BAIAP2L2: variants seen among roughly 807,000 people sequenced by gnomAD.
BAIAP2L2 encodes the protein BAR/IMD domain-containing adapter protein 2-like 2.
Under a neutral mutation model 60.4 loss-of-function variants are expected in BAIAP2L2, and 65 were observed. The observed-to-expected ratio is 1.08, with a 90% CI of 0.88 to 1.32. The LOEUF is 1.32. Among genes scored for constraint, BAIAP2L2 ranks in the 40% most tolerant of loss-of-function variants. The pLI, the probability that BAIAP2L2 is intolerant of heterozygous loss-of-function variation, is 0.00. For missense variants in BAIAP2L2, 836 were observed against 741.2 expected (o/e 1.13, Z -1.48); for synonymous variants, 344 against 301.7 (o/e 1.14, Z -1.45).
At chr22:38,110,759 T>C (rs942407808), upstream of BAIAP2L2, 4 of 533,394 alleles carry the variant, frequency 7.5e-6, no homozygotes, top group African/African-American at 7.9e-5. Flanking sequence ...GAAGGCATCC[T>C]GTGCCGGGCA....
intron 7 of BAIAP2L2, among the ~76,000 whole-genome samples, chr22:38,093,394 C>T (rs531108309): frequency 7.9e-5 from 12 of 152,274 alleles, no homozygotes; most frequent in South Asian, 2.1e-4. Flanking sequence ...CAATGCACAA[C>T]GGACTAACAC....
At position 38,089,215 on chromosome 22, in the gene BAIAP2L2, C is replaced by T. The variant is rs778259410; in HGVS notation, c.782G>A (p.Gly261Glu). The T allele has an allele frequency of 6.8e-6, 7 of 1,035,474 alleles. No homozygotes were observed. The highest frequency in any genetic ancestry group is 3.5e-6 in the Non-Finnish European group (3 of 865,018). 64.1% of individuals were successfully genotyped at this position (1,035,474 alleles called of 1,614,324 possible). A position where few individuals can be genotyped will look rare whatever the true frequency, so the allele number is the denominator to read the frequency against. The change falls in exon 9 of 14, where the codon GGA (glycine) becomes GAA (glutamate). Residue 261 changes from glycine to glutamate, a missense_variant. Physicochemically the swap from Gly to Glu is moderately conservative, Grantham distance 98. Coordinates refer to ENST00000381669, the MANE Select transcript of BAIAP2L2 (RefSeq NM_025045.6). ...TCLDMPPRPL[G>E]EFSSPRSRHG... Reference sequence around the variant, plus strand: ...CCGGCTGCGGGGGGAGCTGAACTCTCCCAGGGGCCTCGGGGGCTGCGGGGG... The same window carrying T: ...CCGGCTGCGGGGGGAGCTGAACTCTTCCAGGGGCCTCGGGGGCTGCGGGGG...
intron 7 of BAIAP2L2, among the ~76,000 whole-genome samples, chr22:38,093,028 T>C (rs907908242): frequency 1.3e-5 from 2 of 152,072 alleles, no homozygotes; most frequent in African/African-American, 4.8e-5. Context: ...TTAACGGGCA[T>C]GGTGGTGCAT....
chr22:38,086,496 C>A, intron 11 of BAIAP2L2, 47 bp from the exon 12 acceptor site: 1 of 1,399,316 alleles, frequency 7.1e-7, no homozygotes, highest in Non-Finnish European at 9.5e-7. Flanking sequence ...GGGGCCTGTC[C>A]AATCCCTTGT....
At chr22:38,086,090 C>T in intron 12 of BAIAP2L2, 152 bp downstream of exon 12, 1 of 916,808 alleles carries the variant, frequency 1.1e-6, no homozygotes, top group South Asian at 1.6e-5. Context: ...CAGACTCAGC[C>T]CCACACCACC....
In BAIAP2L2 at chr22:38,110,124, A is replaced by G. The variant is rs796793925; in HGVS notation, c.51+351T>C. Among the ~76,000 whole-genome samples the G allele has an allele frequency of 3.3e-3, 154 of 46,104 alleles. 1 individual carries two copies. Among genetic ancestry groups the G allele is most frequent in the East Asian group, 8.4e-3 (19 of 2,266 alleles). 30.2% of individuals were successfully genotyped at this position (46,104 alleles called of 152,430 possible). On this transcript the variant is annotated intron_variant, in intron 1 of 13. Coordinates refer to ENST00000381669, the MANE Select transcript of BAIAP2L2 (RefSeq NM_025045.6). ...CAGAGAGAGGGAGAGAGAGAGGGAG[A>G]GAGAGAGAGAGAGAGAGAGAGAGAG...
At chr22:38,092,278 C>G (rs2145971330) in intron 7 of BAIAP2L2, among the ~76,000 whole-genome samples, 1 of 152,268 alleles carries the variant, frequency 6.6e-6, no homozygotes, top group East Asian at 1.9e-4. Flanking sequence ...CTAAGGCTGC[C>G]TTCTTTTTTT....
chr22:38,088,102 C>T (rs1034806614), intron 10 of BAIAP2L2, among the ~76,000 whole-genome samples: 2 of 152,228 alleles, frequency 1.3e-5, no homozygotes, highest in African/African-American at 4.8e-5. Flanking sequence ...GAGTGGGCAC[C>T]GTACACTACC....
chr22:38,085,214 T>C lies in BAIAP2L2; in HGVS notation c.*86A>G. 7.0e-7 allele frequency: 1 copy of C among 1,433,666 alleles called. No individual in the cohort carries two copies. Among genetic ancestry groups the C allele is most frequent in the East Asian group, 2.4e-5 (1 of 42,364 alleles). The allele number at this position is 1,433,666 out of a possible 1,614,324, so 88.8% of individuals were successfully genotyped here. A position where few individuals can be genotyped will look rare whatever the true frequency, so the allele number is the denominator to read the frequency against. Reference sequence around the variant, plus strand: ...GTCTCAGGGACCCGCTTCTTGGATCTGCTGCTGTTGCTGCTGTCGCTGCCA... The same window carrying C: ...GTCTCAGGGACCCGCTTCTTGGATCCGCTGCTGTTGCTGCTGTCGCTGCCA... On this transcript the variant is annotated 3_prime_UTR_variant, in exon 14 of 14. Coordinates refer to ENST00000381669, the MANE Select transcript of BAIAP2L2 (RefSeq NM_025045.6).
chr22:38,086,858 T>C (rs2086091528), intron 11 of BAIAP2L2, among the ~76,000 whole-genome samples: 1 of 151,100 alleles, frequency 6.6e-6, no homozygotes, highest in Non-Finnish European at 1.5e-5. Context: ...TAGCCAGGTG[T>C]GGTGGTGTGT....
At chr22:38,106,347 C>T (rs893943138) in intron 4 of BAIAP2L2, among the ~76,000 whole-genome samples, 17 of 151,708 alleles carry the variant, frequency 1.1e-4, no homozygotes, top group Admixed American at 9.2e-4. Context: ...GGTGAAACCC[C>T]GTCTCTGCAA....
chr22:38,088,721 C>A, intron 10 of BAIAP2L2, 27 bp downstream of exon 10: 1 of 1,510,596 alleles, frequency 6.6e-7, no homozygotes, highest in Non-Finnish European at 9.0e-7. Context: ...TCAACCCACC[C>A]CCGGCCCCTC....
intron 11 of BAIAP2L2, among the ~76,000 whole-genome samples, 159 bp from the exon 12 acceptor site, chr22:38,086,608 G>A (rs368058853): frequency 3.5e-4 from 53 of 152,226 alleles, no homozygotes; most frequent in Middle Eastern, 3.4e-3. Context: ...CCTGAGAGGA[G>A]GCAGAGGGAT....
intron 11 of BAIAP2L2, among the ~76,000 whole-genome samples, chr22:38,086,724 A>G (rs2086087046): frequency 1.3e-5 from 2 of 152,068 alleles, no homozygotes; most frequent in South Asian, 4.1e-4. Flanking sequence ...ACCTGGGTGC[A>G]GTGACTCACG....
chr22:38,085,159 G>T lies in BAIAP2L2; in HGVS notation c.*141C>A. 1.2e-6 allele frequency: 1 copy of T among 800,506 alleles called. No individual in the cohort carries two copies. The highest frequency in any genetic ancestry group is 2.8e-5 in the East Asian group (1 of 36,244). The allele number at this position is 800,506 out of a possible 1,614,324, so 49.6% of individuals were successfully genotyped here. On this transcript the variant is annotated 3_prime_UTR_variant, in exon 14 of 14. Coordinates refer to ENST00000381669, the MANE Select transcript of BAIAP2L2 (RefSeq NM_025045.6). ...GTGCTTTGGAGCTGCTCAGGCTGCC[G>T]GGGTGGTCTGGGGAGGGCAGCCACC...
At position 38,097,053 on chromosome 22, in the gene BAIAP2L2, G is replaced by A. The variant is rs762277984; in HGVS notation, c.591C>T (p.Thr197=). 6 of 1,613,622 alleles carry A rather than the reference G, an allele frequency of 3.7e-6. No individual in the cohort carries two copies. The highest frequency in any genetic ancestry group is 1.7e-5 in the Admixed American group (1 of 59,958). Residue 197 remains threonine, a synonymous_variant, in exon 7 of 14, where the codon ACC becomes ACT. Coordinates refer to ENST00000381669, the MANE Select transcript of BAIAP2L2 (RefSeq NM_025045.6). The part of the protein sequence containing the change: ...LAEKHLLLSN[T]FLQFFGRARG... ...TCACCCGGCCGAAGAACTGCAGGAA[G>A]GTGTTGGAAAGTAGCAGGTGCTTCT...
Position 38,089,051 on chromosome 22 carries a change from G to A in BAIAP2L2, c.901+45C>T, listed in dbSNP as rs997760988. 2.2e-5 allele frequency: 30 copies of A among 1,395,072 alleles called. No homozygotes were observed. The African/African-American group carries it at 3.2e-4, about 15-fold the overall frequency. The allele number at this position is 1,395,072 out of a possible 1,614,324, so 86.4% of individuals were successfully genotyped here. On this transcript the variant is annotated intron_variant, in intron 9 of 13. Transcript: ENST00000381669. ...TCCCTCCTGCTGCAGCCCCACCCCCGCGCCTCTCCCGGCCCTCCTGCCGCC... is the reference window on the plus strand; with the variant it reads ...TCCCTCCTGCTGCAGCCCCACCCCCACGCCTCTCCCGGCCCTCCTGCCGCC...
At chr22:38,093,132 C>T (rs1275817355) in intron 7 of BAIAP2L2, among the ~76,000 whole-genome samples, 1 of 152,272 alleles carries the variant, frequency 6.6e-6, no homozygotes, top group African/African-American at 2.4e-5. Flanking sequence ...TGCCACTGCA[C>T]TCCAGCCTGA....
At chr22:38,103,143 G>C (rs1293139712) in intron 4 of BAIAP2L2, among the ~76,000 whole-genome samples, 1 of 152,100 alleles carries the variant, frequency 6.6e-6, no homozygotes, top group Admixed American at 6.6e-5. Context: ...TTGAGCCCAG[G>C]AGTTGGAGAC....
Sources: gnomAD v4.1 joint callset for allele counts (sites outside exome capture counted in the v4.1 genomes callset) on GRCh38, gnomAD v4.1.1 for gene constraint, MANE v1.5 for transcripts, NCBI Gene and HGNC (gene_info 2026-07-23, HGNC 2026-07-21) for gene names.